The following APP variants were observed in gnomAD, a reference collection of about 807,000 sequenced individuals.
APP encodes amyloid-beta precursor protein.
A neutral mutation model predicts 101.4 loss-of-function variants in APP; 31 were observed. That is an observed-to-expected ratio of 0.31 (90% CI 0.23 to 0.41). APP has a LOEUF of 0.41. Ranked by LOEUF, APP falls within the 10% of genes least tolerant of loss-of-function variation. APP has a pLI of 1.00. For synonymous variants in APP, 366 were observed against 364.4 expected (o/e 1.00, Z -0.05); for missense variants, 839 against 1,003.7 (o/e 0.84, Z 2.22).
At chr21:26,143,877 C>G (rs1341042700) in intron 1 of APP, among the ~76,000 whole-genome samples, 1 of 152,168 alleles carries the variant, frequency 6.6e-6, no homozygotes, top group Non-Finnish European at 1.5e-5. Flanking sequence ...AACCTCACCC[C>G]TATTGTTTAT....
chr21:26,082,873 G>C (rs1270407675), intron 3 of APP, among the ~76,000 whole-genome samples: 1 of 151,918 alleles, frequency 6.6e-6, no homozygotes, highest in Admixed American at 6.6e-5. Context: ...ACCTTTTATT[G>C]GTCAATTTTG....
intron 15 of APP, among the ~76,000 whole-genome samples, chr21:25,900,888 T>G (rs12482634): frequency 1 from 151,285 of 151,290 alleles, 75,640 homozygotes; most frequent in Non-Finnish European, 1. Flanking sequence ...ACTAGAGGCT[T>G]AGGCAGGAGA....
At chr21:25,970,736 G>A (rs1270215066) in intron 11 of APP, among the ~76,000 whole-genome samples, 2 of 152,172 alleles carry the variant, frequency 1.3e-5, no homozygotes, top group African/African-American at 4.8e-5. Context: ...CTTCCCAGCA[G>A]TGTCACCCTG....
intron 1 of APP, among the ~76,000 whole-genome samples, chr21:26,160,815 C>A (rs2063474604): frequency 6.6e-6 from 1 of 152,056 alleles, no homozygotes; most frequent in Non-Finnish European, 1.5e-5. Context: ...TCAATCAGGG[C>A]ATGGATGAAA....
At chr21:25,969,854 C>CAAAAGAAAAG (rs541544438) in intron 11 of APP, among the ~76,000 whole-genome samples, 2,330 of 73,314 alleles carry the variant, frequency 0.032, 92 homozygotes, top group African/African-American at 0.11. Flanking sequence ...GAAAAGAAAA[C>CAAAAGAAAAG]AAAAGAAAAG....
chr21:26,087,576 CA>C (rs1384736386), intron 3 of APP, among the ~76,000 whole-genome samples: 1 of 152,188 alleles, frequency 6.6e-6, no homozygotes, highest in African/African-American at 2.4e-5. Flanking sequence ...TGGTTGATGG[CA>C]AAGCCTTGGC....
intron 15 of APP, among the ~76,000 whole-genome samples, chr21:25,903,915 T>C (rs2038648145): frequency 6.6e-6 from 1 of 152,206 alleles, no homozygotes; most frequent in Non-Finnish European, 1.5e-5. Flanking sequence ...ACAGGCAGAC[T>C]CTCAGTCTTC....
At chr21:26,123,107 A>C (rs918932601) in intron 1 of APP, among the ~76,000 whole-genome samples, 1 of 152,226 alleles carries the variant, frequency 6.6e-6, no homozygotes, top group South Asian at 2.1e-4. Flanking sequence ...TTCTATTTTT[A>C]GCAGATTTAC....
intron 1 of APP, among the ~76,000 whole-genome samples, chr21:26,121,958 G>A (rs906156636): frequency 1.3e-5 from 2 of 152,134 alleles, no homozygotes; most frequent in Non-Finnish European, 2.9e-5. Context: ...GCTGCAGGTG[G>A]GAATATAATG....
chr21:26,015,255 C>T (rs2026225), intron 6 of APP, among the ~76,000 whole-genome samples: 92,866 of 126,002 alleles, frequency 0.74, 30,088 homozygotes, highest in Non-Finnish European at 0.79. Context: ...AATGGAGGAT[C>T]GGAATGATGA....
chr21:26,037,168 G>C (rs1419942348), intron 5 of APP, among the ~76,000 whole-genome samples: 2 of 152,182 alleles, frequency 1.3e-5, no homozygotes, highest in Non-Finnish European at 2.9e-5. Context: ...AGAAAATGTT[G>C]ATTTCATAGA....
chr21:26,078,073 T>C (rs560609228), intron 3 of APP, among the ~76,000 whole-genome samples: 371 of 152,332 alleles, frequency 2.4e-3, no homozygotes, highest in African/African-American at 8.6e-3. Flanking sequence ...TGATGCTTAT[T>C]TGTGTACCTG....
chr21:25,880,906 T>C lies in APP; in HGVS notation c.*764A>G, dbSNP rs2036944015. 1 of 152,754 alleles carries C rather than the reference T, an allele frequency of 6.5e-6. No individual in the cohort carries two copies. The highest frequency in any genetic ancestry group is 1.5e-5 in the Non-Finnish European group (1 of 68,178). The allele number at this position is 152,754 out of a possible 1,614,324, so 9.5% of individuals were successfully genotyped here. A position where few individuals can be genotyped will look rare whatever the true frequency, so the allele number is the denominator to read the frequency against. ...CCTGCAGAAAATTGTTTTGGAGAAT[T>C]CTTGGTAATTGAAGACCAGCAGAGC... On this transcript the variant is annotated 3_prime_UTR_variant, in exon 18 of 18. Coordinates refer to ENST00000346798, the MANE Select transcript of APP (RefSeq NM_000484.4).
intron 5 of APP, among the ~76,000 whole-genome samples, chr21:26,023,337 C>A (rs907355957): frequency 4.7e-5 from 7 of 148,588 alleles, no homozygotes; most frequent in African/African-American, 7.5e-5. Flanking sequence ...TGAGACCAGC[C>A]TGGGCCACAC....
At chr21:26,138,770 A>G (rs2062975615) in intron 1 of APP, among the ~76,000 whole-genome samples, 3 of 152,202 alleles carry the variant, frequency 2.0e-5, no homozygotes, top group Non-Finnish European at 4.4e-5. Flanking sequence ...ATAGTTTTCA[A>G]TGTATACAAT....
chr21:26,103,557 T>A (rs1362361729), intron 2 of APP, among the ~76,000 whole-genome samples: 1 of 151,804 alleles, frequency 6.6e-6, no homozygotes, highest in African/African-American at 2.4e-5. Flanking sequence ...GTTGACATCA[T>A]GCCACTGCAC....
chr21:26,016,961 C>T (rs1401123952), intron 6 of APP, among the ~76,000 whole-genome samples: 4 of 138,718 alleles, frequency 2.9e-5, no homozygotes, highest in Admixed American at 1.4e-4. Context: ...CGGGGGGTGC[C>T]GCCAAGGTGG....
At chr21:26,147,792 C>T (rs571005173) in intron 1 of APP, among the ~76,000 whole-genome samples, 2 of 150,778 alleles carry the variant, frequency 1.3e-5, no homozygotes, top group South Asian at 4.2e-4. Flanking sequence ...TTACACACAC[C>T]GGGCTAATCA....
chr21:26,066,889 A>G (rs1208167224), intron 3 of APP, among the ~76,000 whole-genome samples: 3 of 152,226 alleles, frequency 2.0e-5, no homozygotes, highest in Non-Finnish European at 4.4e-5. Flanking sequence ...GTGATATGAT[A>G]AATGCCTCCT....
Sources: allele counts gnomAD v4.1 joint callset (sites outside exome capture counted in the v4.1 genomes callset), GRCh38; gene constraint gnomAD v4.1.1; transcripts MANE v1.5; gene names NCBI Gene and HGNC (gene_info 2026-07-23, HGNC 2026-07-21).